Variants in TRIM24 observed in about 807,000 individuals in gnomAD.
TRIM24 encodes transcription intermediary factor 1-alpha.
In TRIM24, 29 loss-of-function variants were observed where a neutral mutation model predicts 123.9. The observed-to-expected ratio is 0.23, with a 90% confidence interval of 0.17 to 0.32. The LOEUF (loss-of-function observed/expected upper bound fraction) is 0.32, where lower values mean the gene tolerates loss of function less well. Among genes scored for constraint, TRIM24 ranks in the 10% least tolerant of loss-of-function variants. The pLI, the probability that TRIM24 is intolerant of heterozygous loss-of-function variation, is 1.00. For missense variants in TRIM24, 932 were observed against 1,295.3 expected (o/e 0.72, Z 4.31); for synonymous variants, 456 against 461.1 (o/e 0.99, Z 0.14).
chr7:138,552,808 A>G (rs559438733), intron 8 of TRIM24, among the ~76,000 whole-genome samples: 183 of 152,304 alleles, frequency 1.2e-3, no homozygotes, highest in African/African-American at 4.3e-3. Flanking sequence ...AGGAAACTGG[A>G]ATTATTACAC....
At chr7:138,581,499 T>TA (rs1797894225) in intron 16 of TRIM24, among the ~76,000 whole-genome samples, 198 bp from the exon 17 acceptor site, 1 of 152,226 alleles carries the variant, frequency 6.6e-6, no homozygotes. Flanking sequence ...GTGATTGTCT[T>TA]AGTTCATTCA....
chr7:138,532,802 G>A (rs150931128), intron 6 of TRIM24, among the ~76,000 whole-genome samples: 1,678 of 152,242 alleles, frequency 0.011, 12 homozygotes, highest in Non-Finnish European at 0.017. Context: ...ATTACCTTGG[G>A]CAGTATGGCC....
intron 1 of TRIM24, among the ~76,000 whole-genome samples, chr7:138,485,574 G>T (rs1418414046): frequency 1.3e-5 from 2 of 152,074 alleles, no homozygotes; most frequent in African/African-American, 4.8e-5. Context: ...TCATTGTTCA[G>T]TTCCCACCTA....
intron 12 of TRIM24, among the ~76,000 whole-genome samples, chr7:138,575,412 C>G (rs1024808707): frequency 6.6e-6 from 1 of 151,510 alleles, no homozygotes; most frequent in Non-Finnish European, 1.5e-5. Flanking sequence ...CCTGCTTTAG[C>G]CTTCCCAGTA....
chr7:138,483,527 A>G (rs1394753573), intron 1 of TRIM24, among the ~76,000 whole-genome samples: 2 of 152,224 alleles, frequency 1.3e-5, no homozygotes, highest in African/African-American at 2.4e-5. Context: ...AGGATTTTAT[A>G]TAGATCTTTT....
intron 1 of TRIM24, among the ~76,000 whole-genome samples, chr7:138,468,762 G>C (rs950386985): frequency 4.6e-5 from 7 of 152,096 alleles, no homozygotes; most frequent in African/African-American, 1.4e-4. Context: ...CTGCACATGC[G>C]TAGTAGCCTT....
chr7:138,554,840 A>G lies in TRIM24; in HGVS notation c.1404A>G (p.Leu468=). The G allele has an allele frequency of 1.9e-6, 3 of 1,614,182 alleles. No homozygotes were observed. The highest frequency in any genetic ancestry group is 2.5e-6 in the Non-Finnish European group (3 of 1,180,016). ...CAACACAGATCAGCCTAGCTCAATT[A>G]CGGCTCCAGCATATGCAGCAACAGG... ...KFPTQISLAQ[L]RLQHMQQQVM... The change falls in exon 9 of 19, where the codon TTA becomes TTG. Residue 468 remains leucine (L), a synonymous_variant. Transcript: ENST00000343526. This position sits in a 1 kb window ranked among gnomAD's most constrained non-coding sequence, Gnocchi z 4.5.
rs1028246741 is a variant in TRIM24, at chr7:138,460,890, C to T, written c.342C>T (p.Gly114=). The T allele has an allele frequency of 2.7e-5, 41 of 1,517,736 alleles. No homozygotes were observed. The highest frequency in any genetic ancestry group is 3.2e-5 in the Non-Finnish European group (36 of 1,141,796). 94.0% of individuals were successfully genotyped at this position (1,517,736 alleles called of 1,614,324 possible). ...PVPAPGSPVS[G]SSPFATQVGV... ...CTGCCCCCGGCTCGCCGGTCAGCGG[C>T]TCGTCGCCGTTCGCCACCCAAGGTG... is the stretch of plus-strand genomic sequence containing the variant. The change falls in exon 1 of 19, where the codon GGC becomes GGT. Residue 114 remains glycine, a synonymous_variant. Transcript: ENST00000343526.
intron 9 of TRIM24, among the ~76,000 whole-genome samples, chr7:138,558,621 T>C (rs549495777): frequency 6.6e-6 from 1 of 152,288 alleles, no homozygotes; most frequent in African/African-American, 2.4e-5. Flanking sequence ...GATGTGCTCA[T>C]AGAATGACTC....
In TRIM24 at chr7:138,504,376, G is replaced by A; in HGVS notation, c.451G>A (p.Val151Ile). 1 of 1,596,256 alleles carries A rather than the reference G, an allele frequency of 6.3e-7. No individual in the cohort carries two copies. The highest frequency in any genetic ancestry group is 8.5e-7 in the Non-Finnish European group (1 of 1,172,376). Residue 151 changes from valine (V) to isoleucine (I), a missense_variant, in exon 2 of 19, where the codon GTT (valine) becomes ATT (isoleucine). Coordinates refer to ENST00000343526, the MANE Select transcript of TRIM24 (RefSeq NM_015905.3). ...CTTTTTTGTGAAGGACACTACTGAGGTTCCCAGCAGTACAGTAGAAAAGTC... is the reference window on the plus strand; with the variant it reads ...CTTTTTTGTGAAGGACACTACTGAGATTCCCAGCAGTACAGTAGAAAAGTC... ...DNFFVKDTTEVPSSTVEKSNQ... is the reference protein window; with the variant it reads ...DNFFVKDTTEIPSSTVEKSNQ...
chr7:138,568,409 T>TTTA (rs1491153957), intron 10 of TRIM24, among the ~76,000 whole-genome samples: 13 of 117,322 alleles, frequency 1.1e-4, no homozygotes, highest in African/African-American at 2.2e-4. Flanking sequence ...TTTTTTTTTT[T>TTTA]AAAGTCTCTC....
At chr7:138,578,920 G>GTATATATATATATATATATATA (rs71177997) in intron 14 of TRIM24, among the ~76,000 whole-genome samples, 2 of 146,430 alleles carry the variant, frequency 1.4e-5, no homozygotes, top group Admixed American at 6.8e-5. Context: ...CTCCAGTGAG[G>GTATATATATATATATATATATA]TATATATATA....
At chr7:138,495,629 A>G (rs1219225321) in intron 1 of TRIM24, among the ~76,000 whole-genome samples, 5 of 151,144 alleles carry the variant, frequency 3.3e-5, no homozygotes, top group Non-Finnish European at 7.4e-5. Flanking sequence ...TCTTTTTTTT[A>G]TAGGGATGGG....
chr7:138,469,646 C>G (rs1233795283), intron 1 of TRIM24, among the ~76,000 whole-genome samples: 1 of 152,110 alleles, frequency 6.6e-6, no homozygotes, highest in Non-Finnish European at 1.5e-5. Context: ...GACCAGTAGT[C>G]TCCAAAATGG....
In TRIM24 at chr7:138,579,419, C is replaced by T. The variant is rs1797847025; in HGVS notation, c.2472C>T (p.Pro824=). The T allele has an allele frequency of 6.2e-7, 1 of 1,613,972 alleles. No individual in the cohort carries two copies. Among genetic ancestry groups the T allele is most frequent in the Admixed American group, 1.7e-5 (1 of 59,990 alleles). The change falls in exon 15 of 19, where the codon CCC becomes CCT. Residue 824 remains proline, a synonymous_variant. Transcript: ENST00000343526. ...HVGETRKEDD[P]NEDWCAVCQN... ...GAGAGACAAGGAAAGAGGATGACCC[C>T]AATGAGGACTGGTGTGCAGTTTGTC...
intron 12 of TRIM24, among the ~76,000 whole-genome samples, chr7:138,574,588 TG>T (rs1797719006): frequency 6.6e-6 from 1 of 152,174 alleles, no homozygotes; most frequent in Non-Finnish European, 1.5e-5. Flanking sequence ...TTCTTACTAG[TG>T]GTCATAAGAA....
intron 9 of TRIM24, among the ~76,000 whole-genome samples, chr7:138,558,351 G>A (rs148319033): frequency 6.6e-5 from 10 of 152,228 alleles, no homozygotes; most frequent in Admixed American, 1.3e-4. Flanking sequence ...TTTCCCCAGC[G>A]AACAATGCAG....
At chr7:138,462,076 T>C (rs1794996548) in intron 1 of TRIM24, among the ~76,000 whole-genome samples, 1 of 152,200 alleles carries the variant, frequency 6.6e-6, no homozygotes, top group African/African-American at 2.4e-5. Flanking sequence ...TCACGGATAT[T>C]ATCTAAAGAG....
At chr7:138,576,915 C>CTTACT (rs886764044) in intron 13 of TRIM24, among the ~76,000 whole-genome samples, 9 of 150,184 alleles carry the variant, frequency 6.0e-5, no homozygotes, top group African/African-American at 1.5e-4. Flanking sequence ...GAACCCAGTT[C>CTTACT]TTACTTTATC....
Sources: gnomAD v4.1 joint callset for allele counts (sites outside exome capture counted in the v4.1 genomes callset) on GRCh38, gnomAD v4.1.1 for gene constraint, Gnocchi (gnomAD v3.1) non-coding constraint, MANE v1.5 for transcripts, NCBI Gene and HGNC (gene_info 2026-07-23, HGNC 2026-07-21) for gene names.